Variants in XKR6 observed in about 807,000 individuals in gnomAD.
XKR6 encodes the protein XK related 6, also known as XK-related protein 6.
XKR6 carries 22 observed loss-of-function variants against 56.7 expected under a neutral mutation model. The ratio of observed to expected loss-of-function variants is 0.39; its 90% CI spans 0.28 to 0.55. The LOEUF (loss-of-function observed/expected upper bound fraction) is 0.55, where lower values mean the gene tolerates loss of function less well. Ranked by LOEUF, XKR6 falls within the 20% of genes least tolerant of loss-of-function variation. The pLI is 0.66. For synonymous variants in XKR6, 524 were observed against 387.8 expected (o/e 1.35, Z -4.13); for missense variants, 852 against 889.0 (o/e 0.96, Z 0.53).
intron 1 of XKR6, among the ~76,000 whole-genome samples, chr8:11,038,616 C>A (rs1276184022): frequency 6.6e-6 from 1 of 150,974 alleles, no homozygotes; most frequent in Non-Finnish European, 1.5e-5. Flanking sequence ...CTCACTGCAG[C>A]CTCAAACTAC....
chr8:11,039,187 G>A (rs10104571), intron 1 of XKR6, among the ~76,000 whole-genome samples: 15,503 of 152,240 alleles, frequency 0.1, 878 homozygotes, highest in African/African-American at 0.16. Flanking sequence ...AATGCAAAGC[G>A]AAGGGGAGGC....
intron 1 of XKR6, chr8:11,105,260 C>T (rs1798632178): frequency 6.6e-6 from 1 of 152,216 alleles, no homozygotes; most frequent in Admixed American, 6.5e-5. Flanking sequence ...CTCAGGGTTA[C>T]AAACTTTTTT....
chr8:11,073,982 G>A (rs1800200881), intron 1 of XKR6, among the ~76,000 whole-genome samples: 1 of 152,154 alleles, frequency 6.6e-6, no homozygotes, highest in Non-Finnish European at 1.5e-5. Flanking sequence ...CAGTCTGTTC[G>A]GCTGGTTTGA....
chr8:11,075,770 G>A (rs1800258095), intron 1 of XKR6, among the ~76,000 whole-genome samples: 1 of 152,116 alleles, frequency 6.6e-6, no homozygotes, highest in Non-Finnish European at 1.5e-5. Flanking sequence ...CTATTCGTGA[G>A]GCTGAGGCAG....
At chr8:11,116,098 T>C (rs1488646972) in intron 1 of XKR6, among the ~76,000 whole-genome samples, 2 of 152,230 alleles carry the variant, frequency 1.3e-5, no homozygotes, top group East Asian at 1.9e-4. Flanking sequence ...CGTAAGATGA[T>C]TCTTAAGTTT....
chr8:10,932,371 CTT>C (rs1801076446), intron 1 of XKR6, among the ~76,000 whole-genome samples: 1 of 151,834 alleles, frequency 6.6e-6, no homozygotes, highest in African/African-American at 2.4e-5. Flanking sequence ...GAAATGAAGA[CTT>C]ATGTCCACAC....
chr8:11,002,544 C>T (rs1479513642), intron 1 of XKR6: 1 of 244,384 alleles, frequency 4.1e-6, no homozygotes, highest in African/African-American at 2.3e-5. Flanking sequence ...GGTGCATACC[C>T]AGAGCCCTGT....
intron 1 of XKR6, among the ~76,000 whole-genome samples, chr8:11,190,067 G>T (rs1349693954): frequency 6.6e-6 from 1 of 152,012 alleles, no homozygotes; most frequent in East Asian, 1.9e-4. Flanking sequence ...TGAGGCAGAA[G>T]AATCACTTGA....
At chr8:10,942,230 A>C (rs1237214660) in intron 1 of XKR6, among the ~76,000 whole-genome samples, 1 of 152,164 alleles carries the variant, frequency 6.6e-6, no homozygotes, top group Non-Finnish European at 1.5e-5. Context: ...CACACAGCGT[A>C]CTCAACACAA....
chr8:10,997,353 TG>T (rs1798137629), intron 1 of XKR6, among the ~76,000 whole-genome samples: 1 of 152,110 alleles, frequency 6.6e-6, no homozygotes, highest in African/African-American at 2.4e-5. Flanking sequence ...CTATTTCCAT[TG>T]TACAGATTGG....
At position 10,898,007 on chromosome 8, in the gene XKR6, C is replaced by T. The variant is rs753782238; in HGVS notation, c.1871G>A (p.Arg624Gln). The change falls in exon 3 of 3, where the codon CGA becomes CAA. Residue 624 changes from arginine (R) to glutamine (Q), a missense_variant. Coordinates refer to ENST00000416569, the MANE Select transcript of XKR6 (RefSeq NM_173683.4). This position sits in a 1 kb window ranked among gnomAD's most constrained non-coding sequence, Gnocchi z 6.6. ...QYVTPTAVGIRYRDGPLLYEL... is the reference protein window; with the variant it reads ...QYVTPTAVGIQYRDGPLLYEL... Reference sequence around the variant, plus strand: ...ATAGAGGAGTGGTCCGTCTCGATATCGAATGCCTACTGCGGTGGGGGTGAC... The same window carrying T: ...ATAGAGGAGTGGTCCGTCTCGATATTGAATGCCTACTGCGGTGGGGGTGAC... 6 of 1,611,790 alleles carry T rather than the reference C, an allele frequency of 3.7e-6. No homozygotes were observed. Among genetic ancestry groups the T allele is most frequent in the Admixed American group, 1.7e-5 (1 of 59,564 alleles).
At chr8:11,197,825 C>T (rs1485840129) in intron 1 of XKR6, among the ~76,000 whole-genome samples, 1 of 152,196 alleles carries the variant, frequency 6.6e-6, no homozygotes, top group Admixed American at 6.5e-5. Context: ...CAGAGAAGTG[C>T]CCCACTTTAA....
intron 2 of XKR6, among the ~76,000 whole-genome samples, chr8:10,907,086 A>G (rs1368972378): frequency 6.6e-6 from 1 of 152,180 alleles, no homozygotes; most frequent in Non-Finnish European, 1.5e-5. Flanking sequence ...AGGGTCAAAG[A>G]GAAGAGACGG....
chr8:11,028,922 G>A (rs1163137201), intron 1 of XKR6, among the ~76,000 whole-genome samples: 2 of 152,148 alleles, frequency 1.3e-5, no homozygotes, highest in Admixed American at 1.3e-4. Flanking sequence ...CTCTCTGCAG[G>A]TGGCCCCCTG....
chr8:11,058,803 T>C (rs7357362), intron 1 of XKR6, among the ~76,000 whole-genome samples: 23,877 of 152,238 alleles, frequency 0.16, 5,790 homozygotes, highest in African/African-American at 0.52. Flanking sequence ...TGTATACCTA[T>C]GTAACAAACC....
At chr8:11,049,991 T>C (rs1294281041) in intron 1 of XKR6, among the ~76,000 whole-genome samples, 2 of 152,130 alleles carry the variant, frequency 1.3e-5, no homozygotes, top group South Asian at 2.1e-4. Context: ...GAGGAAATCA[T>C]ATTGCTGCAA....
chr8:10,898,282 C>A lies in XKR6; in HGVS notation c.1596G>T (p.Glu532Asp), dbSNP rs765557560. ...LPPDVEPMAP[E>D]IPGYRGTQVT... ...CCTGGGTCCCCCGGTACCCAGGGAT[C>A]TCAGGCGCCATGGGCTCAACATCGG... Residue 532 changes from glutamate (E) to aspartate (D), a missense_variant, in exon 3 of 3, where the codon GAG becomes GAT. This residue lies in a region of XKR6 where 197 missense variants were observed against 190.9 expected (regional missense o/e 1.03). Transcript: ENST00000416569. The surrounding 1 kb of genome is among the most constrained non-coding windows in gnomAD (Gnocchi z 6.6). The A allele has an allele frequency of 1.2e-6, 2 of 1,614,114 alleles. No homozygotes were observed. The highest frequency in any genetic ancestry group is 1.7e-6 in the Non-Finnish European group (2 of 1,180,000).
chr8:10,941,675 C>T (rs899821104), intron 1 of XKR6, among the ~76,000 whole-genome samples: 3 of 152,242 alleles, frequency 2.0e-5, no homozygotes, highest in African/African-American at 4.8e-5. Flanking sequence ...GCCTCCTGAC[C>T]TCAGAGCCTA....
chr8:10,898,716 T>C lies in XKR6; in HGVS notation c.1162A>G (p.Ile388Val). The C allele has an allele frequency of 1.2e-6, 2 of 1,613,696 alleles. No individual in the cohort carries two copies. The highest frequency in any genetic ancestry group is 1.7e-6 in the Non-Finnish European group (2 of 1,179,934). The change falls in exon 3 of 3, where the codon ATC becomes GTC. Residue 388 changes from isoleucine to valine, a missense_variant. Coordinates refer to ENST00000416569, the MANE Select transcript of XKR6 (RefSeq NM_173683.4). The surrounding 1 kb of genome is among the most constrained non-coding windows in gnomAD (Gnocchi z 6.6). ...GCGCACCAGTGAACCACCACGAAGA[T>C]CCCAAAATAGAGCTGGAAGATGGAA... ...FASIFQLYFGIFVVVHWCAMA... is the reference protein window; with the variant it reads ...FASIFQLYFGVFVVVHWCAMA...
Sources: gnomAD v4.1 joint callset for allele counts (sites outside exome capture counted in the v4.1 genomes callset) on GRCh38, gnomAD v4.1.1 for gene constraint, gnomAD v4.1.1 regional missense constraint, Gnocchi (gnomAD v3.1) non-coding constraint, MANE v1.5 for transcripts, NCBI Gene and HGNC (gene_info 2026-07-23, HGNC 2026-07-21) for gene names.